Variants in EPB41L2 observed in about 807,000 individuals in gnomAD.
EPB41L2 encodes erythrocyte membrane protein band 4.1 like 2.
Under a neutral mutation model 113.0 loss-of-function variants are expected in EPB41L2, and 43 were observed. The ratio of observed to expected loss-of-function variants is 0.38; its 90% CI spans 0.30 to 0.49. The LOEUF is 0.49. EPB41L2 is among the 20% of genes least tolerant of loss of function. EPB41L2 has a pLI of 0.95. For synonymous variants in EPB41L2, 442 were observed against 436.7 expected (o/e 1.01, Z -0.15); for missense variants, 1,147 against 1,223.4 (o/e 0.94, Z 0.93).
Position 130,878,191 on chromosome 6 carries a change from C to CT in EPB41L2, c.1955dup (p.Arg653AlafsTer9), listed in dbSNP as rs750659651. 1 of 1,613,294 alleles carries CT rather than the reference C, an allele frequency of 6.2e-7. No individual in the cohort carries two copies. Among genetic ancestry groups the CT allele is most frequent in the South Asian group, 1.1e-5 (1 of 90,910 alleles). On this transcript the variant is annotated frameshift_variant, in exon 14 of 20. Coordinates refer to ENST00000337057, the MANE Select transcript of EPB41L2 (RefSeq NM_001431.4). LOFTEE classifies it high-confidence loss of function. ...CAGGTGTGGATTCCATAAAATTGCG[C>CT]TTGAGTTCACTAATGCTAGCCTGAT...
At chr6:131,015,362 CAG>C (rs1787963801) in intron 1 of EPB41L2, 2 of 152,268 alleles carry the variant, frequency 1.3e-5, no homozygotes, top group African/African-American at 2.4e-5. Flanking sequence ...AAAGTAAAAA[CAG>C]AGATTTCTTG....
chr6:131,022,430 C>T (rs1789723084), intron 1 of EPB41L2, among the ~76,000 whole-genome samples: 1 of 152,142 alleles, frequency 6.6e-6, no homozygotes, highest in Non-Finnish European at 1.5e-5. Flanking sequence ...TAACCCTCCA[C>T]CAGCTTTATA....
chr6:131,033,178 T>C (rs561390799), intron 1 of EPB41L2, among the ~76,000 whole-genome samples: 71 of 150,580 alleles, frequency 4.7e-4, no homozygotes, highest in African/African-American at 1.7e-3. Context: ...CTGGCCAGGA[T>C]GGCTATGATT....
intron 7 of EPB41L2, among the ~76,000 whole-genome samples, chr6:130,900,432 C>G (rs190814152): frequency 6.6e-6 from 1 of 152,076 alleles, no homozygotes; most frequent in Non-Finnish European, 1.5e-5. Context: ...GTTCTAGAAG[C>G]GTAATATGGT....
intron 17 of EPB41L2, among the ~76,000 whole-genome samples, chr6:130,865,099 G>A (rs886820190): frequency 2.0e-5 from 3 of 152,166 alleles, no homozygotes; most frequent in African/African-American, 7.2e-5. Context: ...GGAGGAACAG[G>A]GGAATGCCCC....
chr6:130,934,909 C>T (rs7748468), intron 3 of EPB41L2, among the ~76,000 whole-genome samples: 121,468 of 151,590 alleles, frequency 0.8, 49,398 homozygotes, highest in East Asian at 1. Context: ...AAGAGATTTA[C>T]GTAAACATGT....
chr6:131,023,451 G>A (rs1284056825), intron 1 of EPB41L2, among the ~76,000 whole-genome samples: 13 of 152,098 alleles, frequency 8.5e-5, no homozygotes, highest in African/African-American at 3.1e-4. Context: ...TTGGGAGGCC[G>A]AGGCGGGTGG....
At chr6:130,866,026 AAAATAGAT>A (rs1179777486) in intron 16 of EPB41L2, among the ~76,000 whole-genome samples, 3 of 152,234 alleles carry the variant, frequency 2.0e-5, no homozygotes, top group African/African-American at 7.2e-5. Flanking sequence ...CAGGTGGGTA[AAAATAGAT>A]AAACATTTTA....
intron 1 of EPB41L2, among the ~76,000 whole-genome samples, chr6:130,957,405 T>C (rs1037917472): frequency 6.6e-6 from 1 of 152,238 alleles, no homozygotes; most frequent in Non-Finnish European, 1.5e-5. Flanking sequence ...CCTGCGGAGA[T>C]AGCCGATCAC....
chr6:130,988,198 A>G (rs979196279), intron 1 of EPB41L2, among the ~76,000 whole-genome samples: 1 of 152,344 alleles, frequency 6.6e-6, no homozygotes, highest in South Asian at 2.1e-4. Context: ...CACATTTTAG[A>G]GAAAATAATC....
intron 1 of EPB41L2, among the ~76,000 whole-genome samples, chr6:131,041,408 T>G (rs1426525316): frequency 1.3e-5 from 2 of 152,214 alleles, no homozygotes; most frequent in African/African-American, 2.4e-5. Context: ...GACTGATGGA[T>G]GGATCAGTCC....
At chr6:130,955,346 C>T (rs1181034454) in intron 2 of EPB41L2, 29 bp from the exon 3 acceptor site, 7 of 1,601,412 alleles carry the variant, frequency 4.4e-6, no homozygotes, top group Admixed American at 1.7e-5. Flanking sequence ...TAAATTCATA[C>T]TATAGTCAAC....
intron 4 of EPB41L2, among the ~76,000 whole-genome samples, chr6:130,913,282 G>A (rs1583383672): frequency 6.6e-6 from 1 of 152,170 alleles, no homozygotes; most frequent in African/African-American, 2.4e-5. Context: ...ATTACTGAAG[G>A]CTGAAATGGC....
chr6:131,006,428 G>A (rs1177347241), intron 1 of EPB41L2, among the ~76,000 whole-genome samples: 2 of 151,462 alleles, frequency 1.3e-5, no homozygotes, highest in African/African-American at 2.4e-5. Context: ...TTGGGAGGCC[G>A]AGGCAGGCAG....
intron 1 of EPB41L2, among the ~76,000 whole-genome samples, chr6:131,047,616 C>A: frequency 2.0e-5 from 3 of 152,284 alleles, no homozygotes; most frequent in Middle Eastern, 6.8e-3. Context: ...ATTTACACAA[C>A]GATTTCTAAA....
chr6:131,048,814 T>C (rs990590438), intron 1 of EPB41L2, among the ~76,000 whole-genome samples: 4 of 152,182 alleles, frequency 2.6e-5, no homozygotes, highest in Admixed American at 1.3e-4. Flanking sequence ...TAATGGTACA[T>C]TCTTTCTTCC....
chr6:130,972,937 CAAAAAAAAAAAAAAAAAA>C (rs57293132), intron 1 of EPB41L2, among the ~76,000 whole-genome samples: 1 of 59,528 alleles, frequency 1.7e-5, no homozygotes, highest in African/African-American at 7.1e-5. Context: ...ACTAAAGATA[CAAAAAAAAAAAAAAAAAA>C]AAAAAAAACA....
intron 1 of EPB41L2, among the ~76,000 whole-genome samples, chr6:130,967,217 C>T (rs1003528071): frequency 6.6e-6 from 1 of 152,104 alleles, no homozygotes; most frequent in Non-Finnish European, 1.5e-5. Context: ...CCAAGTTTAG[C>T]ACCCTACAAA....
At chr6:130,898,601 C>T (rs1041822009) in intron 8 of EPB41L2, among the ~76,000 whole-genome samples, 5 of 152,108 alleles carry the variant, frequency 3.3e-5, no homozygotes, top group African/African-American at 1.2e-4. Flanking sequence ...TAGCGATGTG[C>T]GCTTACACAT....
Sources: allele counts gnomAD v4.1 joint callset (sites outside exome capture counted in the v4.1 genomes callset), GRCh38; gene constraint gnomAD v4.1.1; transcripts MANE v1.5; gene names NCBI Gene and HGNC (gene_info 2026-07-23, HGNC 2026-07-21).